The following ANAPC1 variants were observed in gnomAD, a reference collection of about 807,000 sequenced individuals.
ANAPC1 encodes the protein anaphase promoting complex subunit 1.
In ANAPC1, 36 loss-of-function variants were observed where a neutral mutation model predicts 208.0. The observed-to-expected ratio is 0.17, with a 90% CI of 0.13 to 0.23. ANAPC1 has a LOEUF of 0.23. Ranked by LOEUF, ANAPC1 falls within the 10% of genes least tolerant of loss-of-function variation. The probability of loss-of-function intolerance (pLI) is 1.00; values close to 1 mark genes in which losing one functional copy is unlikely to be tolerated. For synonymous variants in ANAPC1, 378 were observed against 695.2 expected, an observed-to-expected ratio of 0.54 and a Z score of 7.18; for missense variants, 942 against 2,011.6, an observed-to-expected ratio of 0.47 and a Z score of 10.17.
intron 7 of ANAPC1, among the ~76,000 whole-genome samples, chr2:111,867,590 G>A (rs1448580698): frequency 6.6e-6 from 1 of 151,592 alleles, no homozygotes; most frequent in Non-Finnish European, 1.5e-5. Context: ...TACTCGGGAG[G>A]CTGAGGCAGG....
chr2:111,825,163 G>C lies in ANAPC1; in HGVS notation c.2709C>G (p.Pro903=). 1 of 1,611,716 alleles carries C rather than the reference G, an allele frequency of 6.2e-7. No individual in the cohort carries two copies. The highest frequency in any genetic ancestry group is 8.5e-7 in the Non-Finnish European group (1 of 1,179,122). The change falls in exon 23 of 48, where the codon CCC becomes CCG. Residue 903 remains proline, a synonymous_variant. Coordinates refer to ENST00000341068, the MANE Select transcript of ANAPC1 (RefSeq NM_022662.4). ...SQYLTRITIA[P]QKLQVEQEEN... ...CCTCTTGTTCTACTTGCAACTTCTG[G>C]GGGGCTAAAAGGCAACAAAATGAAA...
intron 20 of ANAPC1, 26 bp from the exon 21 acceptor site, chr2:111,831,460 A>G: frequency 2.0e-6 from 3 of 1,532,772 alleles, no homozygotes; most frequent in Non-Finnish European, 2.7e-6. Context: ...AATATTCAAA[A>G]AGACACGAAA....
chr2:111,850,622 G>A (rs561062221), intron 14 of ANAPC1, among the ~76,000 whole-genome samples, 154 bp downstream of exon 14: 3,211 of 151,182 alleles, frequency 0.021, 91 homozygotes, highest in African/African-American at 0.073. Flanking sequence ...ACATCACAAG[G>A]GAGGTCAGTG....
At chr2:111,875,637 A>AATGGAAGCAATTG (rs1682985552) in intron 3 of ANAPC1, among the ~76,000 whole-genome samples, 3 of 152,124 alleles carry the variant, frequency 2.0e-5, no homozygotes, top group Non-Finnish European at 4.4e-5. Context: ...CTCTTCTCAA[A>AATGGAAGCAATTG]ACACAAAATT....
Position 111,864,816 on chromosome 2 carries a change from A to T in ANAPC1, c.821T>A (p.Val274Asp), listed in dbSNP as rs1258095186. Reference sequence around the variant, plus strand: ...TGCCTTTCTCCTTACCTCTGATTTGACTCTCCGGAGAGTCCACACAGAATG... The same window carrying T: ...TGCCTTTCTCCTTACCTCTGATTTGTCTCTCCGGAGAGTCCACACAGAATG... ...NVHSVWTLRR[V>D]KSEEENVVLK... The change falls in exon 8 of 48, where the codon GTC becomes GAC. Residue 274 changes from valine (V) to aspartate (D), a missense_variant. By Grantham distance (152) the Val-to-Asp change is radical. Transcript: ENST00000341068. 1 of 1,610,256 alleles carries T rather than the reference A, an allele frequency of 6.2e-7. No homozygotes were observed. The highest frequency in any genetic ancestry group is 1.1e-5 in the South Asian group (1 of 90,904).
rs77824420 is a variant in ANAPC1, at chr2:111,837,047, T to TA, written c.2115+1390dup. ...CTAGCTTGCTTTATTCATAAGACTT[T>TA]AAAAAAAAAAAATGGAAATAGCCTA... is the stretch of plus-strand genomic sequence containing the variant. On this transcript the variant is annotated intron_variant, in intron 18 of 47. Transcript: ENST00000341068. 9.2e-3 allele frequency among the ~76,000 whole-genome samples: 1,329 copies of TA among 144,428 alleles called. 13 individuals are homozygous for TA. Among genetic ancestry groups the TA allele is most frequent in the African/African-American group, 0.029 (1,141 of 39,528 alleles). The allele number at this position is 144,428 out of a possible 152,430, so 94.8% of individuals were successfully genotyped here.
intron 1 of ANAPC1, among the ~76,000 whole-genome samples, chr2:111,882,629 T>C (rs1308304180): frequency 2.7e-5 from 4 of 149,890 alleles, no homozygotes; most frequent in East Asian, 3.9e-4. Flanking sequence ...CCCAGCTACT[T>C]GGGAGGCTAA....
intron 1 of ANAPC1, among the ~76,000 whole-genome samples, chr2:111,882,367 A>G (rs965278748): frequency 3.5e-4 from 54 of 152,170 alleles, no homozygotes; most frequent in Non-Finnish European, 6.6e-4. Context: ...ATGGTTACAC[A>G]AACAGCCAAA....
Position 111,864,878 on chromosome 2 carries a change from G to A in ANAPC1, c.759C>T (p.Pro253=), listed in dbSNP as rs930483855. ...AMKIVFLNTD[P]SIVMTYDAVQ... is the part of the protein sequence containing the mutation. ...CAGCATCATAAGTCATTACAATAGA[G>A]GGGTCAGTATTGAGGAAAACAATTT... Residue 253 remains proline (P), a synonymous_variant, in exon 8 of 48, where the codon CCC becomes CCT. Transcript: ENST00000341068. The A allele has an allele frequency of 6.2e-6, 10 of 1,611,564 alleles. No homozygotes were observed. Among genetic ancestry groups the A allele is most frequent in the Admixed American group, 5.0e-5 (3 of 59,952 alleles).
At chr2:111,787,368 A>G (rs1677615053) in intron 39 of ANAPC1, among the ~76,000 whole-genome samples, 1 of 150,432 alleles carries the variant, frequency 6.6e-6, no homozygotes. Flanking sequence ...TGCACCTACC[A>G]TCAGAGTGTG....
In ANAPC1 at chr2:111,847,186, C is replaced by G. The variant is rs748591228; in HGVS notation, c.1804G>C (p.Gly602Arg). The G allele has an allele frequency of 1.1e-5, 17 of 1,610,166 alleles. No individual in the cohort carries two copies. The South Asian group carries it at 1.9e-4, about 18-fold the overall frequency. The change falls in exon 16 of 48, where the codon GGC (glycine) becomes CGC (arginine). Residue 602 changes from glycine to arginine, a missense_variant. Gly to Arg is a moderately radical substitution (Grantham distance 125, BLOSUM62 -2). Coordinates refer to ENST00000341068, the MANE Select transcript of ANAPC1 (RefSeq NM_022662.4). Reference protein sequence around the residue: ...HNRVTLELSNGSMVRITIPEI... With the variant: ...HNRVTLELSNRSMVRITIPEI... ...GGAATAGTGATCCTAACCATGGAGC[C>G]ATTACTCAGTTCCTAGATGGAAACA...
In ANAPC1 at chr2:111,768,565, G is replaced by A. The variant is rs1280545312; in HGVS notation, c.*726C>T. On this transcript the variant is annotated 3_prime_UTR_variant, in exon 48 of 48. Transcript: ENST00000341068. ...CCTCACTGTCTTCACATGGCAGAGA[G>A]AGAAAGAAAAATCTCTCTTCCTCTG... 4 of 149,626 alleles carry A rather than the reference G, an allele frequency of 2.7e-5. No homozygotes were observed. Among genetic ancestry groups the A allele is most frequent in the Non-Finnish European group, 4.4e-5 (3 of 67,608 alleles). The allele number at this position is 149,626 out of a possible 1,614,324, so 9.3% of individuals were successfully genotyped here.
At chr2:111,835,024 G>C in intron 18 of ANAPC1, 152 bp from the exon 19 acceptor site, 1 of 1,001,136 alleles carries the variant, frequency 1.0e-6, no homozygotes, top group East Asian at 3.2e-5. Context: ...TGCTAAGAAT[G>C]AAGTAACTAT....
At chr2:111,837,025 G>C (rs1357484444) in intron 18 of ANAPC1, among the ~76,000 whole-genome samples, 3 of 150,224 alleles carry the variant, frequency 2.0e-5, no homozygotes, top group Admixed American at 1.3e-4. Flanking sequence ...TTTGGCACTA[G>C]CTTGCTTTAT....
intron 39 of ANAPC1, among the ~76,000 whole-genome samples, chr2:111,785,986 T>C (rs1459945558): frequency 5.3e-5 from 8 of 152,186 alleles, no homozygotes; most frequent in African/African-American, 1.9e-4. Flanking sequence ...ACATCAAACA[T>C]CCATGTGGGT....
intron 13 of ANAPC1, among the ~76,000 whole-genome samples, chr2:111,853,576 CT>C (rs918456330): frequency 9.9e-5 from 15 of 152,168 alleles, no homozygotes; most frequent in African/African-American, 3.4e-4. Flanking sequence ...ACTTCCTCCA[CT>C]GAAGTTTTGA....
At position 111,833,240 on chromosome 2, in the gene ANAPC1, T is replaced by C; in HGVS notation, c.2456A>G (p.Gln819Arg). ...DYPTLVRTTG[Q>R]VCTIDPGQTG... ...CTTACCTGGATCAATTGTGCACACTTGTCCAGTAGTTCTGACAAGCGTTGG... is the reference window on the plus strand; with the variant it reads ...CTTACCTGGATCAATTGTGCACACTCGTCCAGTAGTTCTGACAAGCGTTGG... The change falls in exon 20 of 48, where the codon CAA becomes CGA. Residue 819 changes from glutamine (Q) to arginine (R), a missense_variant. Gln to Arg is a conservative substitution (Grantham distance 43). Transcript: ENST00000341068. 2 of 1,599,646 alleles carry C rather than the reference T, an allele frequency of 1.3e-6. No individual in the cohort carries two copies. Among genetic ancestry groups the C allele is most frequent in the Non-Finnish European group, 1.7e-6 (2 of 1,168,932 alleles).
In ANAPC1 at chr2:111,884,155, A is replaced by C. The variant is rs1683487469; in HGVS notation, c.-238T>G. Reference sequence around the variant, plus strand: ...GGCAGGAAGGCGTGCGAGACGTTCAAATGGACGCGTCCATCTTGACTTTCC... The same window carrying C: ...GGCAGGAAGGCGTGCGAGACGTTCACATGGACGCGTCCATCTTGACTTTCC... On this transcript the variant is annotated 5_prime_UTR_variant, in exon 1 of 48. In the 5' UTR this introduces an upstream ATG that the reference lacks. Coordinates refer to ENST00000341068, the MANE Select transcript of ANAPC1 (RefSeq NM_022662.4). 6.6e-6 allele frequency: 1 copy of C among 152,290 alleles called. No homozygotes were observed. The highest frequency in any genetic ancestry group is 1.5e-5 in the Non-Finnish European group (1 of 68,096). The allele number at this position is 152,290 out of a possible 1,614,324, so 9.4% of individuals were successfully genotyped here. A position where few individuals can be genotyped will look rare whatever the true frequency, so the allele number is the denominator to read the frequency against.
intron 6 of ANAPC1, among the ~76,000 whole-genome samples, chr2:111,868,858 A>AT (rs1297740374): frequency 1.3e-5 from 2 of 151,814 alleles, no homozygotes; most frequent in Admixed American, 6.6e-5. Flanking sequence ...TTAAGGAATT[A>AT]TTTTTTTTAG....
Sources: allele counts gnomAD v4.1 joint callset (sites outside exome capture counted in the v4.1 genomes callset), GRCh38; gene constraint gnomAD v4.1.1; transcripts MANE v1.5; gene names NCBI Gene and HGNC (gene_info 2026-07-23, HGNC 2026-07-21).